Variants in AGMO observed in about 807,000 individuals in gnomAD.
AGMO encodes alkylglycerol monooxygenase.
In AGMO, 75 loss-of-function variants were observed where a neutral mutation model predicts 60.2. The ratio of observed to expected loss-of-function variants is 1.25; its 90% CI spans 1.03 to 1.51. AGMO has a LOEUF of 1.51. Among genes scored for constraint, AGMO ranks in the 40% most tolerant of loss-of-function variants. The pLI, the probability that AGMO is intolerant of heterozygous loss-of-function variation, is 0.00. For missense variants in AGMO, 763 were observed against 525.5 expected (o/e 1.45, Z -4.42); for synonymous variants, 261 against 177.1 (o/e 1.47, Z -3.76).
At chr7:15,152,811 G>A in the AGMO span, among the ~76,000 whole-genome samples, 3 of 152,226 alleles carry the variant, frequency 2.0e-5, no homozygotes, top group East Asian at 3.9e-4. Context: ...AGGTGTGTAT[G>A]CAAGTATCTT....
chr7:15,360,634 T>TTGGAGGAGG (rs928954012), intron 12 of AGMO, among the ~76,000 whole-genome samples: 3 of 150,534 alleles, frequency 2.0e-5, no homozygotes, highest in Non-Finnish European at 3.0e-5. Context: ...GTGGCAGAGG[T>TTGGAGGAGG]TGGAGGAGGT....
chr7:15,286,093 TAA>T (rs1457384947), intron 12 of AGMO, among the ~76,000 whole-genome samples: 5 of 152,078 alleles, frequency 3.3e-5, no homozygotes, highest in African/African-American at 1.2e-4. Flanking sequence ...ACCAAAGACT[TAA>T]AGCTAAGACC....
rs200624353 is a variant in AGMO, at chr7:15,432,320, GTATA to G, written c.410-1216_410-1213del. Among the ~76,000 whole-genome samples the G allele has an allele frequency of 1.3e-3, 166 of 127,702 alleles. 1 individual carries two copies. The highest frequency in any genetic ancestry group is 4.2e-3 in the Middle Eastern group (1 of 236). 83.8% of individuals were successfully genotyped at this position (127,702 alleles called of 152,430 possible). A position where few individuals can be genotyped will look rare whatever the true frequency, so the allele number is the denominator to read the frequency against. ...AAATCATGGTCATATATATGTGTGT[GTATA>G]TATGTATATATATATATATATACAT... On this transcript the variant is annotated intron_variant, in intron 3 of 12. Transcript: ENST00000342526.
intron 3 of AGMO, among the ~76,000 whole-genome samples, chr7:15,538,900 T>G (rs1054295615): frequency 3.2e-4 from 48 of 152,156 alleles, no homozygotes; most frequent in African/African-American, 1.1e-3. Context: ...CTACCTTGTT[T>G]ACATACAGAA....
chr7:15,130,549 TA>T, the AGMO span, among the ~76,000 whole-genome samples: 1 of 152,064 alleles, frequency 6.6e-6, no homozygotes, highest in East Asian at 1.9e-4. Context: ...CTAATTGCTA[TA>T]AAATGTGGCA....
At chr7:15,142,217 A>G in the AGMO span, among the ~76,000 whole-genome samples, 1 of 152,216 alleles carries the variant, frequency 6.6e-6, no homozygotes, top group South Asian at 2.1e-4. Flanking sequence ...TTAATCTTAA[A>G]TCATCAAATT....
At chr7:15,228,563 AT>A (rs1782157805) in intron 12 of AGMO, among the ~76,000 whole-genome samples, 3 of 152,166 alleles carry the variant, frequency 2.0e-5, no homozygotes, top group African/African-American at 7.2e-5. Flanking sequence ...GCAGAATCAC[AT>A]ATTGCAAATG....
chr7:15,328,105 C>G (rs891493986), intron 12 of AGMO, among the ~76,000 whole-genome samples: 1 of 150,988 alleles, frequency 6.6e-6, no homozygotes, highest in African/African-American at 2.4e-5. Context: ...TCCTTCTTTT[C>G]TTTTTTATTT....
At chr7:15,527,538 C>T (rs1035204597) in intron 3 of AGMO, among the ~76,000 whole-genome samples, 28 of 152,252 alleles carry the variant, frequency 1.8e-4, no homozygotes, top group African/African-American at 6.0e-4. Context: ...AAAATAAAAG[C>T]ACAAGACAAG....
chr7:15,529,550 A>ATG (rs1260473442), intron 3 of AGMO, among the ~76,000 whole-genome samples: 21 of 126,134 alleles, frequency 1.7e-4, no homozygotes, highest in Admixed American at 1.2e-3. Context: ...TATTCTATAT[A>ATG]TATAGAATAT....
the AGMO span, among the ~76,000 whole-genome samples, chr7:15,180,490 A>T: frequency 6.6e-6 from 1 of 152,074 alleles, no homozygotes; most frequent in Non-Finnish European, 1.5e-5. Flanking sequence ...ATTTCTGGTG[A>T]GGTGTGAGAC....
chr7:15,291,516 G>T (rs774742367), intron 12 of AGMO, among the ~76,000 whole-genome samples: 6 of 151,988 alleles, frequency 3.9e-5, no homozygotes, highest in Non-Finnish European at 8.8e-5. Context: ...AAATATTAAG[G>T]AGAAAGAAAC....
chr7:15,165,545 T>C, the AGMO span, among the ~76,000 whole-genome samples: 1 of 152,062 alleles, frequency 6.6e-6, no homozygotes, highest in Non-Finnish European at 1.5e-5. Flanking sequence ...TATAAACAAA[T>C]GACATAGATG....
In AGMO at chr7:15,531,393, C is replaced by A. The variant is rs1229541571; in HGVS notation, c.409+13379G>T. Among the ~76,000 whole-genome samples, 58 of 54,746 alleles carry A rather than the reference C, an allele frequency of 1.1e-3. 5 individuals carry two copies. The highest frequency in any genetic ancestry group is 4.5e-3 in the African/African-American group (52 of 11,574). 35.9% of individuals were successfully genotyped at this position (54,746 alleles called of 152,430 possible). ...ATTCTATATATATTCTATATATATT[C>A]TATATATATATTCTATATATATTCT... On this transcript the variant is annotated intron_variant, in intron 3 of 12. Transcript: ENST00000342526.
At chr7:15,357,322 G>A (rs935646947) in intron 12 of AGMO, among the ~76,000 whole-genome samples, 4 of 151,274 alleles carry the variant, frequency 2.6e-5, no homozygotes, top group African/African-American at 9.7e-5. Context: ...TCATCTTGTA[G>A]CCAGATAAAC....
intron 12 of AGMO, among the ~76,000 whole-genome samples, chr7:15,364,155 G>C (rs1417584743): frequency 1.3e-5 from 2 of 151,568 alleles, no homozygotes; most frequent in Non-Finnish European, 2.9e-5. Flanking sequence ...TACCCCTATG[G>C]TTTAGAGGTT....
At chr7:15,183,014 T>C in the AGMO span, among the ~76,000 whole-genome samples, 1 of 152,086 alleles carries the variant, frequency 6.6e-6, no homozygotes, top group Non-Finnish European at 1.5e-5. Flanking sequence ...TCCACCCCCA[T>C]GATTCAATCA....
intron 4 of AGMO, among the ~76,000 whole-genome samples, chr7:15,423,437 C>G (rs1244197802): frequency 2.7e-5 from 4 of 145,976 alleles, no homozygotes; most frequent in Non-Finnish European, 6.1e-5. Context: ...GGTCCCATTT[C>G]TATGCACTTA....
chr7:15,404,439 A>G (rs1784631371), intron 5 of AGMO, among the ~76,000 whole-genome samples: 1 of 151,844 alleles, frequency 6.6e-6, no homozygotes, highest in African/African-American at 2.4e-5. Context: ...TGTTCCCTCA[A>G]AGGAGAATAA....
Sources: gnomAD v4.1 joint callset for allele counts (sites outside exome capture counted in the v4.1 genomes callset) on GRCh38, gnomAD v4.1.1 for gene constraint, MANE v1.5 for transcripts, NCBI Gene and HGNC (gene_info 2026-07-23, HGNC 2026-07-21) for gene names.